The following INSL6 variants were observed in gnomAD, a reference collection of about 807,000 sequenced individuals.
INSL6 encodes insulin-like peptide INSL6.
INSL6 carries 16 observed loss-of-function variants against 9.4 expected under a neutral mutation model. That is an observed-to-expected ratio of 1.70 (90% CI 1.15 to 2.59). The LOEUF is 2.59. Among genes scored for constraint, INSL6 ranks in the 30% most tolerant of loss-of-function variants. INSL6 has a pLI of 0.00. For synonymous variants in INSL6, 154 were observed against 96.9 expected, an observed-to-expected ratio of 1.59 and a Z score of -3.46; for missense variants, 391 against 257.3, an observed-to-expected ratio of 1.52 and a Z score of -3.56.
intron 2 of INSL6, among the ~76,000 whole-genome samples, chr9:5,135,977 T>C (rs1824380866): frequency 6.6e-6 from 1 of 152,046 alleles, no homozygotes; most frequent in African/African-American, 2.4e-5. Flanking sequence ...CAAACTACCA[T>C]CGGGAATACT....
At chr9:5,085,424 C>G in the INSL6 span, 1 of 750,648 alleles carries the variant, frequency 1.3e-6, no homozygotes. Context: ...CAACTGTTGG[C>G]TATCAGGCTC....
the INSL6 span, among the ~76,000 whole-genome samples, chr9:5,028,127 A>G: frequency 1.3e-5 from 2 of 152,180 alleles, no homozygotes; most frequent in Non-Finnish European, 2.9e-5. Context: ...TAACCTTACT[A>G]AATGTGTTTC....
the INSL6 span, among the ~76,000 whole-genome samples, chr9:5,011,284 C>T: frequency 6.6e-6 from 1 of 152,128 alleles, no homozygotes; most frequent in East Asian, 1.9e-4. Flanking sequence ...CTCCTGAGCG[C>T]AAGTAATCCT....
At chr9:5,125,105 T>A (rs1467778733) in intron 3 of INSL6, among the ~76,000 whole-genome samples, 1 of 151,194 alleles carries the variant, frequency 6.6e-6, no homozygotes, top group African/African-American at 2.4e-5. Flanking sequence ...TATGGAAAAG[T>A]ATGAAAAAAT....
chr9:5,081,818 A>C, the INSL6 span: 2 of 1,613,680 alleles, frequency 1.2e-6, no homozygotes, highest in East Asian at 2.2e-5. Flanking sequence ...GATCCTACAC[A>C]GTTTGAAGAG....
At chr9:5,141,821 A>C (rs1006485659) in intron 2 of INSL6, among the ~76,000 whole-genome samples, 11 of 152,216 alleles carry the variant, frequency 7.2e-5, no homozygotes, top group Admixed American at 6.5e-5. Flanking sequence ...GGTATTGCCT[A>C]GGTTGTCTCC....
the INSL6 span, among the ~76,000 whole-genome samples, chr9:5,056,246 T>C: frequency 2.0e-5 from 3 of 152,132 alleles, no homozygotes; most frequent in Non-Finnish European, 2.9e-5. Flanking sequence ...CTGTAGGACA[T>C]GGTTGATTCT....
At chr9:5,177,573 T>C (rs1590804) in intron 1 of INSL6, among the ~76,000 whole-genome samples, 56,353 of 152,048 alleles carry the variant, frequency 0.37, 11,568 homozygotes, top group African/African-American at 0.57. Flanking sequence ...GATATGACAG[T>C]GCATATCCCA....
the INSL6 span, among the ~76,000 whole-genome samples, chr9:5,074,610 C>T: frequency 6.6e-6 from 1 of 152,196 alleles, no homozygotes; most frequent in Admixed American, 6.5e-5. Context: ...ATCAATGAGC[C>T]ATTCCTCTGT....
intron 2 of INSL6, among the ~76,000 whole-genome samples, chr9:5,147,357 G>C (rs371548726): frequency 6.6e-6 from 1 of 152,202 alleles, no homozygotes. Flanking sequence ...TGTGGATAAG[G>C]TGCTTAGGGT....
chr9:5,145,143 T>A (rs139083027), intron 2 of INSL6, among the ~76,000 whole-genome samples: 2 of 152,336 alleles, frequency 1.3e-5, no homozygotes, highest in East Asian at 3.9e-4. Flanking sequence ...CAAGAGCTTT[T>A]GTAAGGCAGG....
the INSL6 span, among the ~76,000 whole-genome samples, chr9:5,015,470 C>G: frequency 2.0e-5 from 3 of 152,000 alleles, no homozygotes; most frequent in Non-Finnish European, 4.4e-5. Flanking sequence ...CGGCTGGCAC[C>G]TTAGCACAAA....
the INSL6 span, chr9:5,050,836 T>G: frequency 3.9e-5 from 63 of 1,611,876 alleles, no homozygotes; most frequent in Non-Finnish European, 5.0e-5. Context: ...TATCAGGTAA[T>G]TTTCTTTTGC....
At chr9:5,055,515 A>G in the INSL6 span, among the ~76,000 whole-genome samples, 3 of 152,056 alleles carry the variant, frequency 2.0e-5, no homozygotes. Context: ...TTAGGGTTAG[A>G]TTGATAGAGT....
At chr9:5,163,345 T>A (rs1824967085), downstream of INSL6, among the ~76,000 whole-genome samples, 2 of 152,346 alleles carry the variant, frequency 1.3e-5, no homozygotes, top group South Asian at 4.1e-4. Flanking sequence ...CAGGGTATCT[T>A]GGAGAGATTT....
At chr9:5,013,212 CTTT>C in the INSL6 span, among the ~76,000 whole-genome samples, 1 of 152,090 alleles carries the variant, frequency 6.6e-6, no homozygotes, top group African/African-American at 2.4e-5. Context: ...ATATCTTCTT[CTTT>C]TGTGATAAAA....
chr9:5,155,508 T>A (rs1824797692), intron 2 of INSL6, among the ~76,000 whole-genome samples: 1 of 137,962 alleles, frequency 7.2e-6, no homozygotes. Flanking sequence ...CCTAGCAGAA[T>A]AAATACATAG....
the INSL6 span, chr9:5,099,769 A>G: frequency 1.3e-5 from 2 of 152,214 alleles, no homozygotes; most frequent in East Asian, 1.9e-4. Flanking sequence ...ATCCCTTATA[A>G]TAATATCCCT....
At chr9:5,109,084 C>G in the INSL6 span, 2 of 152,100 alleles carry the variant, frequency 1.3e-5, no homozygotes, top group African/African-American at 4.8e-5. Context: ...TTCTCCTGAT[C>G]AAACATCACT....
Sources: allele counts gnomAD v4.1 joint callset (sites outside exome capture counted in the v4.1 genomes callset), GRCh38; gene constraint gnomAD v4.1.1; transcripts MANE v1.5; gene names NCBI Gene and HGNC (gene_info 2026-07-23, HGNC 2026-07-21).